ASAP2: variants seen among roughly 807,000 people sequenced by gnomAD.
The protein encoded by ASAP2 is ArfGAP with SH3 domain, ankyrin repeat and PH domain 2, also known as arf-GAP with SH3 domain, ANK repeat and PH domain-containing protein 2.
Under a neutral mutation model 131.4 loss-of-function variants are expected in ASAP2, and 45 were observed. The observed-to-expected ratio is 0.34, with a 90% CI of 0.27 to 0.44. The LOEUF (loss-of-function observed/expected upper bound fraction) is 0.44, where lower values mean the gene tolerates loss of function less well. ASAP2 is among the 20% of genes least tolerant of loss of function. The probability of loss-of-function intolerance (pLI) is 1.00; values close to 1 mark genes in which losing one functional copy is unlikely to be tolerated. For missense variants in ASAP2, 1,011 were observed against 1,297.0 expected (o/e 0.78, Z 3.39); for synonymous variants, 510 against 503.0 (o/e 1.01, Z -0.19).
At chr2:9,371,819 TA>T (rs974465537) in intron 16 of ASAP2, among the ~76,000 whole-genome samples, 2 of 151,516 alleles carry the variant, frequency 1.3e-5, no homozygotes, top group Admixed American at 6.6e-5. Context: ...AGCCTGTCAT[TA>T]AAAAAAAGAG....
At chr2:9,399,556 G>A (rs1226730369) in intron 24 of ASAP2, 10 of 165,434 alleles carry the variant, frequency 6.0e-5, no homozygotes, top group South Asian at 3.3e-4. Context: ...GCTTGAGCCC[G>A]TGGTCAGCCA....
rs554885506 is a variant in ASAP2 at position 9,391,208 on chromosome 2, T to C, written c.2518+12T>C. Reference sequence around the variant, plus strand: ...CGTGACATCTACCAGTACGTTTTTTTCCTTTTTCCTTTCTTGCCCGTGGGC... The same window carrying C: ...CGTGACATCTACCAGTACGTTTTTTCCCTTTTTCCTTTCTTGCCCGTGGGC... On this transcript the variant is annotated intron_variant, in intron 23 of 27. Coordinates refer to ENST00000281419, the MANE Select transcript of ASAP2 (RefSeq NM_003887.3). The C allele has an allele frequency of 6.2e-7, 1 of 1,604,816 alleles. No individual in the cohort carries two copies. Among genetic ancestry groups the C allele is most frequent in the African/African-American group, 1.3e-5 (1 of 74,656 alleles).
At position 9,356,106 on chromosome 2, in the gene ASAP2, T is replaced by C. The variant is rs1265487278; in HGVS notation, c.1160+11T>C. 1 of 1,614,202 alleles carries C rather than the reference T, an allele frequency of 6.2e-7. No homozygotes were observed. ...ACAGGAATGTCAAATGTAAGTTACATGGTGGTGGGACTTTGGGCTGGACTC... is the reference window on the plus strand; with the variant it reads ...ACAGGAATGTCAAATGTAAGTTACACGGTGGTGGGACTTTGGGCTGGACTC... On this transcript the variant is annotated intron_variant, in intron 13 of 27. Coordinates refer to ENST00000281419, the MANE Select transcript of ASAP2 (RefSeq NM_003887.3).
chr2:9,248,340 G>A (rs1005178085), intron 1 of ASAP2, among the ~76,000 whole-genome samples: 1 of 151,922 alleles, frequency 6.6e-6, no homozygotes, highest in Non-Finnish European at 1.5e-5. Context: ...TAACCAAGAT[G>A]GTTTTTAGAA....
rs1675585256 is a variant in ASAP2 at position 9,389,886 on chromosome 2, G to T, written c.2384-1176G>T. 6.6e-6 allele frequency among the ~76,000 whole-genome samples: 1 copy of T among 152,126 alleles called. No individual in the cohort carries two copies. Among genetic ancestry groups the T allele is most frequent in the Admixed American group, 6.5e-5 (1 of 15,268 alleles). Reference sequence around the variant, plus strand: ...GTCAAACCCCCAGGCTGGCTGGTCGGGGCCCAGGGTGGGTGCGGCTTTCTC... The same window carrying T: ...GTCAAACCCCCAGGCTGGCTGGTCGTGGCCCAGGGTGGGTGCGGCTTTCTC... On this transcript the variant is annotated intron_variant, in intron 22 of 27. Coordinates refer to ENST00000281419, the MANE Select transcript of ASAP2 (RefSeq NM_003887.3). This position sits in a 1 kb window ranked among gnomAD's most constrained non-coding sequence, Gnocchi z 4.7.
At chr2:9,234,488 G>A (rs910702795) in intron 1 of ASAP2, among the ~76,000 whole-genome samples, 29 of 152,152 alleles carry the variant, frequency 1.9e-4, no homozygotes, top group African/African-American at 6.8e-4. Flanking sequence ...ATAATAGGAG[G>A]AGCTCAGAAG....
chr2:9,359,000 A>G (rs916292532), intron 15 of ASAP2, 111 bp downstream of exon 15: 2 of 1,323,106 alleles, frequency 1.5e-6, no homozygotes, highest in Admixed American at 4.6e-5. Flanking sequence ...ATATGTTGCC[A>G]GATTGGTTTG....
chr2:9,378,894 G>A (rs201465009), intron 18 of ASAP2, 50 bp from the exon 19 acceptor site: 232 of 1,308,320 alleles, frequency 1.8e-4, no homozygotes, highest in Middle Eastern at 4.1e-4. Context: ...GTCCCTGGTC[G>A]TCCAGCCTGT....
At chr2:9,352,212 A>ACACACACAC (rs1672385937) in intron 12 of ASAP2, among the ~76,000 whole-genome samples, 23 of 149,966 alleles carry the variant, frequency 1.5e-4, no homozygotes, top group African/African-American at 4.9e-4. Context: ...AACACACACA[A>ACACACACAC]ACACACACAC....
intron 1 of ASAP2, among the ~76,000 whole-genome samples, chr2:9,210,136 G>A (rs774049164): frequency 1.3e-5 from 2 of 152,158 alleles, no homozygotes; most frequent in Non-Finnish European, 2.9e-5. Flanking sequence ...GCTCTGAAGT[G>A]GACTTTGAAC....
intron 1 of ASAP2, among the ~76,000 whole-genome samples, chr2:9,245,341 G>C (rs1464281144): frequency 6.6e-6 from 1 of 152,162 alleles, no homozygotes; most frequent in Non-Finnish European, 1.5e-5. Context: ...CACCTGGGGT[G>C]GGTGGGGGCT....
intron 23 of ASAP2, 31 bp downstream of exon 23, chr2:9,391,227 C>G (rs773020419): frequency 1.9e-5 from 30 of 1,590,514 alleles, no homozygotes; most frequent in Non-Finnish European, 2.6e-5. Context: ...CTTTCTTGCC[C>G]GTGGGCTTTG....
At position 9,374,822 on chromosome 2, in the gene ASAP2, G is replaced by A; in HGVS notation, c.1624G>A (p.Asp542Asn). Residue 542 changes from aspartate (D) to asparagine (N), a missense_variant, in exon 17 of 28, where the codon GAT becomes AAT. Coordinates refer to ENST00000281419, the MANE Select transcript of ASAP2 (RefSeq NM_003887.3). ...GAGATACGCAAGGAAGAAGCACGCG[G>A]ATAACGCGGCGAAGCTTCACAGTCT... ...ERRYARKKHA[D>N]NAAKLHSLCE... is the part of the protein sequence containing the mutation. 3 of 1,614,126 alleles carry A rather than the reference G, an allele frequency of 1.9e-6. No individual in the cohort carries two copies. Among genetic ancestry groups the A allele is most frequent in the Non-Finnish European group, 1.7e-6 (2 of 1,180,004 alleles).
chr2:9,387,108 G>A (rs1040756793), intron 21 of ASAP2, among the ~76,000 whole-genome samples: 2 of 151,202 alleles, frequency 1.3e-5, no homozygotes, highest in Admixed American at 6.6e-5. Flanking sequence ...CAGCTACTCA[G>A]GAGGCTGAGG....
chr2:9,220,635 T>C (rs1662351562), intron 1 of ASAP2, among the ~76,000 whole-genome samples: 1 of 152,244 alleles, frequency 6.6e-6, no homozygotes, highest in African/African-American at 2.4e-5. Flanking sequence ...CAAGTAATAA[T>C]TTCCATTTTG....
rs1558398446 is a variant in ASAP2 at position 9,392,656 on chromosome 2, T to TA, written c.2519-821dup. Among the ~76,000 whole-genome samples, 1 of 152,132 alleles carries TA rather than the reference T, an allele frequency of 6.6e-6. No homozygotes were observed. Among genetic ancestry groups the TA allele is most frequent in the African/African-American group, 2.4e-5 (1 of 41,410 alleles). ...AATTGGAAAAAGGAAACAATAATGATAAAAAGAAAGATCATAAGCTGGATC... is the reference window on the plus strand; with the variant it reads ...AATTGGAAAAAGGAAACAATAATGATAAAAAAGAAAGATCATAAGCTGGATC... On this transcript the variant is annotated intron_variant, in intron 23 of 27. Coordinates refer to ENST00000281419, the MANE Select transcript of ASAP2 (RefSeq NM_003887.3). This position sits in a 1 kb window ranked among gnomAD's most constrained non-coding sequence, Gnocchi z 4.0.
At chr2:9,235,134 T>C (rs1663454226) in intron 1 of ASAP2, among the ~76,000 whole-genome samples, 1 of 152,124 alleles carries the variant, frequency 6.6e-6, no homozygotes, top group Non-Finnish European at 1.5e-5. Flanking sequence ...TTTCCTGTCC[T>C]GTTGTAGGCG....
In ASAP2 at chr2:9,217,912, CT is replaced by C. The variant is rs34408894; in HGVS notation, c.126+10696del. ...TACAGGTGTGAGCCACCACGCCTGG[CT>C]TTTTTTTTTTTTTACATGAAAAAAT... is the stretch of plus-strand genomic sequence containing the variant. On this transcript the variant is annotated intron_variant, in intron 1 of 27. Transcript: ENST00000281419. The surrounding 1 kb of genome is among the most constrained non-coding windows in gnomAD (Gnocchi z 4.0). Among the ~76,000 whole-genome samples the C allele has an allele frequency of 0.53, 76,681 of 144,950 alleles. 20,959 individuals are homozygous for C. The highest frequency in any genetic ancestry group is 0.72 in the African/African-American group (28,621 of 39,646).
chr2:9,221,738 T>C (rs1662434271), intron 1 of ASAP2, among the ~76,000 whole-genome samples: 1 of 152,236 alleles, frequency 6.6e-6, no homozygotes, highest in Non-Finnish European at 1.5e-5. Context: ...ATGCAAAATA[T>C]CATCTGCAAA....
Sources: gnomAD v4.1 joint callset for allele counts (sites outside exome capture counted in the v4.1 genomes callset) on GRCh38, gnomAD v4.1.1 for gene constraint, Gnocchi (gnomAD v3.1) non-coding constraint, MANE v1.5 for transcripts, NCBI Gene and HGNC (gene_info 2026-07-23, HGNC 2026-07-21) for gene names.